DNAJC1: variants seen among roughly 807,000 people sequenced by gnomAD.
The protein encoded by DNAJC1 is dnaJ homolog subfamily C member 1.
Under a neutral mutation model 76.6 loss-of-function variants are expected in DNAJC1, and 58 were observed. The ratio of observed to expected loss-of-function variants is 0.76; its 90% CI spans 0.61 to 0.94. DNAJC1 has a LOEUF of 0.94. Ranked by LOEUF, DNAJC1 falls within the 40% of genes least tolerant of loss-of-function variation. The pLI is 0.00. For synonymous variants in DNAJC1, 258 were observed against 267.9 expected, an observed-to-expected ratio of 0.96 and a Z score of 0.36; for missense variants, 689 against 677.3, an observed-to-expected ratio of 1.02 and a Z score of -0.19.
At chr10:21,960,999 A>G (rs548144131) in intron 1 of DNAJC1, among the ~76,000 whole-genome samples, 1 of 152,360 alleles carries the variant, frequency 6.6e-6, no homozygotes, top group African/African-American at 2.4e-5. Flanking sequence ...ATCATTAGCC[A>G]TTAAGGAAAT....
intron 6 of DNAJC1, among the ~76,000 whole-genome samples, chr10:21,917,310 G>A (rs1304587151): frequency 6.6e-6 from 1 of 151,756 alleles, no homozygotes; most frequent in Admixed American, 6.6e-5. Context: ...GTTCTAGTCT[G>A]GCAAATTACC....
At chr10:21,871,590 T>TA (rs1457825748) in intron 8 of DNAJC1, among the ~76,000 whole-genome samples, 1 of 152,016 alleles carries the variant, frequency 6.6e-6, no homozygotes, top group Non-Finnish European at 1.5e-5. Context: ...CTTTAAAAAG[T>TA]AGAGATCTGA....
rs541550210 is a variant in DNAJC1 at position 21,901,414 on chromosome 10, C to T, written c.820+3108G>A. ...TTTATTAATTTAGAATAAAACATAT[C>T]ATTAGAGAATGTGTAAAAAATCATT... On this transcript the variant is annotated intron_variant, in intron 7 of 11. Transcript: ENST00000376980. 9.1e-4 allele frequency among the ~76,000 whole-genome samples: 138 copies of T among 152,078 alleles called. 1 individual carries two copies. The highest frequency in any genetic ancestry group is 2.4e-3 in the Admixed American group (36 of 15,274).
chr10:21,813,265 C>T (rs1457060758), intron 8 of DNAJC1, among the ~76,000 whole-genome samples: 1 of 139,884 alleles, frequency 7.1e-6, no homozygotes, highest in East Asian at 2.1e-4. Flanking sequence ...TTCTGCCTTG[C>T]TCTTTCTTGG....
chr10:21,774,090 G>C (rs1295543045), intron 9 of DNAJC1, among the ~76,000 whole-genome samples: 2 of 141,952 alleles, frequency 1.4e-5, no homozygotes, highest in African/African-American at 5.3e-5. Flanking sequence ...GCAGTGAGCC[G>C]AGATCCCGCC....
intron 8 of DNAJC1, among the ~76,000 whole-genome samples, chr10:21,874,954 C>T (rs1836160628): frequency 6.6e-6 from 1 of 152,064 alleles, no homozygotes. Flanking sequence ...GATCTTGGCT[C>T]ACTACAACCT....
intron 8 of DNAJC1, among the ~76,000 whole-genome samples, chr10:21,845,330 C>T (rs1406655995): frequency 2.0e-5 from 3 of 150,784 alleles, no homozygotes; most frequent in Non-Finnish European, 2.9e-5. Context: ...CTAACTATGT[C>T]TGCATAAACT....
intron 8 of DNAJC1, among the ~76,000 whole-genome samples, chr10:21,816,981 C>A (rs186895629): frequency 6.8e-6 from 1 of 146,736 alleles, no homozygotes; most frequent in Non-Finnish European, 1.5e-5. Context: ...AGTGAAACCC[C>A]GTCTCTACTA....
chr10:21,825,952 C>T (rs1021951709), intron 8 of DNAJC1, among the ~76,000 whole-genome samples: 9 of 152,002 alleles, frequency 5.9e-5, no homozygotes, highest in African/African-American at 1.2e-4. Context: ...GAAAACATAT[C>T]GACCAGCTGC....
At chr10:21,840,058 A>T (rs1447168569) in intron 8 of DNAJC1, among the ~76,000 whole-genome samples, 1 of 152,244 alleles carries the variant, frequency 6.6e-6, no homozygotes, top group Non-Finnish European at 1.5e-5. Context: ...ACAACGCTTC[A>T]TGCTAAAAAC....
chr10:21,828,582 G>T (rs1174633375), intron 8 of DNAJC1, among the ~76,000 whole-genome samples: 1 of 152,108 alleles, frequency 6.6e-6, no homozygotes, highest in Non-Finnish European at 1.5e-5. Context: ...TATGATAGAA[G>T]TAGAACCAAT....
intron 7 of DNAJC1, among the ~76,000 whole-genome samples, chr10:21,893,141 C>A (rs1383829492): frequency 6.6e-6 from 1 of 151,014 alleles, no homozygotes; most frequent in Non-Finnish European, 1.5e-5. Flanking sequence ...CAGACCTGAA[C>A]AAACTTAAAG....
At chr10:21,975,387 T>C (rs569873862) in intron 1 of DNAJC1, among the ~76,000 whole-genome samples, 19 of 151,966 alleles carry the variant, frequency 1.3e-4, no homozygotes, top group Non-Finnish European at 2.5e-4. Context: ...TAAGGAATTA[T>C]TAGGGAGGTA....
Position 22,003,317 on chromosome 10 carries a change from CCAGCAG to C in DNAJC1, c.112_117del (p.Leu38_Leu39del), listed in dbSNP as rs751051022. 9 of 1,517,174 alleles carry C rather than the reference CCAGCAG, an allele frequency of 5.9e-6. No homozygotes were observed. The highest frequency in any genetic ancestry group is 2.1e-5 in the Admixed American group (1 of 47,272). 94.0% of individuals were successfully genotyped at this position (1,517,174 alleles called of 1,614,324 possible). A position where few individuals can be genotyped will look rare whatever the true frequency, so the allele number is the denominator to read the frequency against. ...CAGCCGCGCGCCGGCGCCACGGCGG[CCAGCAG>C]CAGCAGCAGCAGCCACAGCAGCGGC... On this transcript the variant is annotated inframe_deletion, in exon 1 of 12. Coordinates refer to ENST00000376980, the MANE Select transcript of DNAJC1 (RefSeq NM_022365.4).
rs576328542 is a variant in DNAJC1, at chr10:22,003,680, C to G, written c.-246G>C. 4.8e-4 allele frequency: 192 copies of G among 396,598 alleles called. No homozygotes were observed. The highest frequency in any genetic ancestry group is 3.8e-3 in the South Asian group (40 of 10,570). 24.6% of individuals were successfully genotyped at this position (396,598 alleles called of 1,614,324 possible). On this transcript the variant is annotated 5_prime_UTR_variant, in exon 1 of 12. Coordinates refer to ENST00000376980, the MANE Select transcript of DNAJC1 (RefSeq NM_022365.4). ...GCTACGTTCCGAAGACCCTCGCCCCCAGGCCTACACACAGCTGTAGAGGCA... is the reference window on the plus strand; with the variant it reads ...GCTACGTTCCGAAGACCCTCGCCCCGAGGCCTACACACAGCTGTAGAGGCA...
At chr10:21,997,259 A>G (rs1307032903) in intron 1 of DNAJC1, among the ~76,000 whole-genome samples, 2 of 152,194 alleles carry the variant, frequency 1.3e-5, no homozygotes, top group African/African-American at 4.8e-5. Flanking sequence ...TTTCCCATCC[A>G]AAAAACTGAG....
intron 3 of DNAJC1, among the ~76,000 whole-genome samples, chr10:21,927,782 C>T (rs1179135235): frequency 6.6e-6 from 1 of 152,132 alleles, no homozygotes; most frequent in Non-Finnish European, 1.5e-5. Flanking sequence ...ACATTCCATA[C>T]ATTCTGTAGG....
At chr10:21,935,972 G>GA (rs1296274513) in intron 1 of DNAJC1, among the ~76,000 whole-genome samples, 2 of 152,250 alleles carry the variant, frequency 1.3e-5, no homozygotes, top group East Asian at 3.9e-4. Flanking sequence ...CAAGCTGAAA[G>GA]AAAAAGATAC....
In DNAJC1 at chr10:21,886,353, T is replaced by TA. The variant is rs533338454; in HGVS notation, c.821-3915dup. Among the ~76,000 whole-genome samples, 9 of 151,830 alleles carry TA rather than the reference T, an allele frequency of 5.9e-5. No homozygotes were observed. In the East Asian group the frequency reaches 1.5e-3, roughly 26 times the overall value. On this transcript the variant is annotated intron_variant, in intron 7 of 11. Transcript: ENST00000376980. ...ATCAGTAATAAATTAGGCTCCCAAC[T>TA]AAAAAAAGGCCAGGACCTGATGGAT... is the stretch of plus-strand genomic sequence containing the variant.
Sources: allele counts gnomAD v4.1 joint callset (sites outside exome capture counted in the v4.1 genomes callset), GRCh38; gene constraint gnomAD v4.1.1; transcripts MANE v1.5; gene names NCBI Gene and HGNC (gene_info 2026-07-23, HGNC 2026-07-21).